The following TENM2 variants were observed in gnomAD, a reference collection of about 807,000 sequenced individuals.
TENM2 encodes teneurin transmembrane protein 2.
TENM2 carries 52 observed loss-of-function variants against 245.2 expected under a neutral mutation model. The ratio of observed to expected loss-of-function variants is 0.21; its 90% CI spans 0.17 to 0.27. The LOEUF is 0.27. Ranked by LOEUF, TENM2 falls within the 10% of genes least tolerant of loss-of-function variation. The pLI is 1.00. For missense variants in TENM2, 3,046 were observed against 3,666.8 expected (o/e 0.83, Z 4.37); for synonymous variants, 1,363 against 1,438.9 (o/e 0.95, Z 1.19).
intron 2 of TENM2, among the ~76,000 whole-genome samples, chr5:167,472,206 A>G (rs1280874693): frequency 6.6e-6 from 1 of 152,092 alleles, no homozygotes; most frequent in Non-Finnish European, 1.5e-5. Context: ...TTGAGCATGC[A>G]CCTTTTAAAA....
chr5:167,301,276 G>A (rs1034747466), intron 1 of TENM2, among the ~76,000 whole-genome samples: 1 of 152,230 alleles, frequency 6.6e-6, no homozygotes, highest in Non-Finnish European at 1.5e-5. Context: ...GTCCCACACA[G>A]ATGGGACATG....
chr5:167,145,593 T>G, the TENM2 span, among the ~76,000 whole-genome samples: 5 of 152,226 alleles, frequency 3.3e-5, no homozygotes, highest in African/African-American at 1.2e-4. Flanking sequence ...GAAGTATTGA[T>G]GCACACGGGG....
chr5:167,349,897 T>C (rs886850354), intron 1 of TENM2, among the ~76,000 whole-genome samples: 1 of 145,806 alleles, frequency 6.9e-6, no homozygotes, highest in Non-Finnish European at 1.5e-5. Flanking sequence ...TGAAAAATTA[T>C]AATTTTACAT....
chr5:167,866,361 G>A (rs920688624), intron 2 of TENM2, among the ~76,000 whole-genome samples: 5 of 152,080 alleles, frequency 3.3e-5, no homozygotes, highest in African/African-American at 1.2e-4. Flanking sequence ...ATCTGAATGT[G>A]GTGGTGCATG....
chr5:167,635,325 G>A (rs1779123624), intron 2 of TENM2, among the ~76,000 whole-genome samples: 1 of 152,150 alleles, frequency 6.6e-6, no homozygotes, highest in African/African-American at 2.4e-5. Context: ...ACTGAGAGTA[G>A]CAAACCACAG....
At chr5:167,094,585 T>G in the TENM2 span, among the ~76,000 whole-genome samples, 9 of 152,320 alleles carry the variant, frequency 5.9e-5, no homozygotes, top group African/African-American at 2.2e-4. Flanking sequence ...TTTTTCAATA[T>G]GTTTATGTAG....
chr5:167,293,825 C>T (rs1463752315), intron 1 of TENM2, among the ~76,000 whole-genome samples: 3 of 151,948 alleles, frequency 2.0e-5, no homozygotes, highest in Non-Finnish European at 2.9e-5. Context: ...AGGGTAGCAC[C>T]AGCTACAGAG....
exon 3 of TENM2, chr5:167,876,044 C>T (rs1773397318): frequency 3.2e-6 from 5 of 1,551,552 alleles, no homozygotes; most frequent in Non-Finnish European, 4.4e-6. Context: ...AGCTGCCTAG[C>T]TCCCATAATC....
chr5:167,229,047 C>T, the TENM2 span, among the ~76,000 whole-genome samples: 8 of 152,140 alleles, frequency 5.3e-5, no homozygotes, highest in East Asian at 1.9e-4. Flanking sequence ...CCCCGCCACC[C>T]GAAGATGTAT....
At chr5:167,404,072 C>A (rs1762502816) in intron 2 of TENM2, among the ~76,000 whole-genome samples, 1 of 152,026 alleles carries the variant, frequency 6.6e-6, no homozygotes, top group Non-Finnish European at 1.5e-5. Flanking sequence ...TAAATTATTT[C>A]TCCTCTTAAC....
At chr5:167,984,042 A>G (rs1251104918) in intron 4 of TENM2, among the ~76,000 whole-genome samples, 1 of 152,060 alleles carries the variant, frequency 6.6e-6, no homozygotes, top group African/African-American at 2.4e-5. Context: ...GAATAAACTC[A>G]CCCAATCCCC....
the TENM2 span, among the ~76,000 whole-genome samples, chr5:167,133,403 T>C: frequency 6.6e-6 from 1 of 152,194 alleles, no homozygotes; most frequent in Non-Finnish European, 1.5e-5. Context: ...GCATGCTTGG[T>C]TCGTCATATC....
chr5:167,454,452 C>CAGTG (rs1765781871), intron 2 of TENM2, among the ~76,000 whole-genome samples: 1 of 150,490 alleles, frequency 6.6e-6, no homozygotes, highest in Non-Finnish European at 1.5e-5. Context: ...CTAGAAATAA[C>CAGTG]TGTGTGTGTG....
At chr5:168,241,376 T>A (rs573367380) in intron 25 of TENM2, among the ~76,000 whole-genome samples, 6 of 151,984 alleles carry the variant, frequency 3.9e-5, no homozygotes, top group African/African-American at 1.4e-4. Flanking sequence ...CTGCTCAGCC[T>A]TTTGGGTAGC....
the TENM2 span, among the ~76,000 whole-genome samples, chr5:167,155,235 A>G: frequency 3.3e-5 from 5 of 152,236 alleles, no homozygotes; most frequent in Non-Finnish European, 7.3e-5. Context: ...GTGGCATGTT[A>G]AGATATCATT....
In TENM2 at chr5:167,795,760, A is replaced by G. The variant is rs150360694; in HGVS notation, c.503-80226A>G. Among the ~76,000 whole-genome samples the G allele has an allele frequency of 4.9e-3, 743 of 152,314 alleles. 5 individuals carry two copies. Among genetic ancestry groups the G allele is most frequent in the African/African-American group, 0.017 (705 of 41,572 alleles). On this transcript the variant is annotated intron_variant, in intron 2 of 28. Coordinates refer to ENST00000518659, the Ensembl canonical transcript of TENM2. ...ACATTAAGGCAAACAGTAGCCACAC[A>G]TATATAATCAGGGAGGTAACTAATG...
intron 15 of TENM2, 41 bp from the exon 18 acceptor site, chr5:168,198,812 G>T: frequency 6.3e-7 from 1 of 1,597,522 alleles, no homozygotes; most frequent in Non-Finnish European, 8.6e-7. Context: ...TTGTCTAAAA[G>T]TGAGTCTACC....
At chr5:167,614,835 C>A (rs567162168) in intron 2 of TENM2, among the ~76,000 whole-genome samples, 1 of 152,228 alleles carries the variant, frequency 6.6e-6, no homozygotes, top group East Asian at 1.9e-4. Flanking sequence ...TTTCTTAAAT[C>A]ACATCAATCC....
chr5:167,431,959 A>ATACATGTATATATATATG (rs1427964471), intron 2 of TENM2, among the ~76,000 whole-genome samples: 1 of 38,544 alleles, frequency 2.6e-5, no homozygotes, highest in Admixed American at 3.4e-4. Flanking sequence ...GTATATATAT[A>ATACATGTATATATATATG]TGTATATATA....
Sources: allele counts gnomAD v4.1 joint callset (sites outside exome capture counted in the v4.1 genomes callset), GRCh38; gene constraint gnomAD v4.1.1; transcripts MANE v1.5; gene names NCBI Gene and HGNC (gene_info 2026-07-23, HGNC 2026-07-21).